Variants in ZNF34 observed in about 807,000 individuals in gnomAD.
ZNF34 encodes zinc finger protein 34, also known as zinc finger protein 34 (KOX 32).
ZNF34 carries 8 observed loss-of-function variants against 14.4 expected under a neutral mutation model. The observed-to-expected ratio is 0.55, with a 90% CI of 0.33 to 1.00. The LOEUF (loss-of-function observed/expected upper bound fraction) is 1.00, where lower values mean the gene tolerates loss of function less well. Ranked by LOEUF, ZNF34 falls within the 50% of genes least tolerant of loss-of-function variation. ZNF34 has a pLI of 0.03. For missense variants in ZNF34, 538 were observed against 674.2 expected (o/e 0.80, Z 2.24); for synonymous variants, 235 against 247.9 (o/e 0.95, Z 0.49).
rs767373155 is a variant in ZNF34 at position 144,773,802 on chromosome 8, G to A, written c.1084C>T (p.Arg362Trp). ...SDGSILIRHR[R>W]THTGEKPFEC... ...AATGGCTTCTCTCCGGTGTGAGTCC[G>A]ACGATGTCGGATAAGGATTGAGCCA... Residue 362 changes from arginine to tryptophan, a missense_variant, in exon 6 of 6, where the codon CGG becomes TGG. Physicochemically the swap from Arg to Trp is moderately radical, Grantham distance 101. Transcript: ENST00000429371. The surrounding 1 kb of genome is among the most constrained non-coding windows in gnomAD (Gnocchi z 5.4). The A allele has an allele frequency of 3.7e-6, 6 of 1,613,932 alleles. No individual in the cohort carries two copies. The highest frequency in any genetic ancestry group is 4.5e-5 in the East Asian group (2 of 44,874).
chr8:144,785,744 G>A (rs918587591), intron 1 of ZNF34, among the ~76,000 whole-genome samples: 6 of 152,260 alleles, frequency 3.9e-5, no homozygotes, highest in Admixed American at 3.9e-4. Context: ...CTGAAACCCT[G>A]CAAAACTCTC....
chr8:144,774,351 A>G lies in ZNF34; in HGVS notation c.535T>C (p.Cys179Arg). The change falls in exon 6 of 6, where the codon TGT becomes CGT. Residue 179 changes from cysteine (C) to arginine (R), a missense_variant. Cys to Arg is a radical substitution (Grantham distance 180, BLOSUM62 -3). Transcript: ENST00000429371. ...GATCTCTGTTCAAAACTTTGCTCAC[A>G]TATATCACATTTGTGAGGTCTCTGA... is the stretch of plus-strand genomic sequence containing the variant. Reference protein sequence around the residue: ...PDQRPHKCDICEQSFEQRSYL... With the variant: ...PDQRPHKCDIREQSFEQRSYL... 1.2e-6 allele frequency: 2 copies of G among 1,612,628 alleles called. No homozygotes were observed. The highest frequency in any genetic ancestry group is 1.7e-6 in the Non-Finnish European group (2 of 1,179,240).
At chr8:144,778,341 CCAT>C (rs1825660798) in intron 3 of ZNF34, 95 bp downstream of exon 3, 1 of 1,384,736 alleles carries the variant, frequency 7.2e-7, no homozygotes, top group Non-Finnish European at 9.7e-7. Context: ...GCCACCCCTA[CCAT>C]CATGTCAGCA....
Position 144,774,301 on chromosome 8 carries a change from T to G in ZNF34, c.585A>C (p.Val195=), listed in dbSNP as rs200342127. ...CTGTATTTGTTTTTTTTGACCTGTGTACACGCTTATGGTTGTTGAGATATG... is the reference window on the plus strand; with the variant it reads ...CTGTATTTGTTTTTTTTGACCTGTGGACACGCTTATGGTTGTTGAGATATG... ...QRSYLNNHKR[V]HRSKKTNTVR... Residue 195 remains valine (V), a synonymous_variant, in exon 6 of 6, where the codon GTA becomes GTC. Transcript: ENST00000429371. 6.2e-7 allele frequency: 1 copy of G among 1,613,040 alleles called. No individual in the cohort carries two copies. Among genetic ancestry groups the G allele is most frequent in the Non-Finnish European group, 8.5e-7 (1 of 1,179,392 alleles).
In ZNF34 at chr8:144,773,275, G is replaced by T; in HGVS notation, c.1611C>A (p.Phe537Leu). 1 of 1,605,602 alleles carries T rather than the reference G, an allele frequency of 6.2e-7. No homozygotes were observed. The highest frequency in any genetic ancestry group is 8.5e-7 in the Non-Finnish European group (1 of 1,173,806). The change falls in exon 6 of 6, where the codon TTC (phenylalanine) becomes TTA (leucine). Residue 537 changes from phenylalanine (F) to leucine (L), a missense_variant. This residue lies in a region of ZNF34 where 101 missense variants were observed against 123.1 expected (regional missense o/e 0.82). Transcript: ENST00000429371. This position sits in a 1 kb window ranked among gnomAD's most constrained non-coding sequence, Gnocchi z 5.4. ...QHQRIHLRED[F>L]SM ...GGACACCGCGCCACTGTTACATGGA[G>T]AAGTCCTCCCGGAGGTGAATCCGCT...
At position 144,773,133 on chromosome 8, in the gene ZNF34, G is replaced by T; in HGVS notation, c.*133C>A. 1.0e-6 allele frequency: 1 copy of T among 986,956 alleles called. No individual in the cohort carries two copies. The highest frequency in any genetic ancestry group is 2.2e-5 in the South Asian group (1 of 44,734). The allele number at this position is 986,956 out of a possible 1,614,324, so 61.1% of individuals were successfully genotyped here. On this transcript the variant is annotated 3_prime_UTR_variant, in exon 6 of 6. Coordinates refer to ENST00000429371, the MANE Select transcript of ZNF34 (RefSeq NM_001286769.2). This position sits in a 1 kb window ranked among gnomAD's most constrained non-coding sequence, Gnocchi z 5.4. ...CACTGCTTTTGATTTAAGAAAAGAG[G>T]TTTGTTTAATGAGAAACGTCCTTTC... is the stretch of plus-strand genomic sequence containing the variant.
chr8:144,778,483 T>C lies in ZNF34; in HGVS notation c.-12A>G. The C allele has an allele frequency of 6.3e-7, 1 of 1,592,324 alleles. No homozygotes were observed. The highest frequency in any genetic ancestry group is 8.5e-7 in the Non-Finnish European group (1 of 1,169,748). ...AACAAGGCCGCCATTGCCTGAGGGT[T>C]GGGCTTTCTGAGGGCAGTGAGCAGG... On this transcript the variant is annotated 5_prime_UTR_variant, in exon 3 of 6. Coordinates refer to ENST00000429371, the MANE Select transcript of ZNF34 (RefSeq NM_001286769.2).
At chr8:144,786,053 T>C (rs1401810025) in intron 1 of ZNF34, among the ~76,000 whole-genome samples, 2 of 146,686 alleles carry the variant, frequency 1.4e-5, no homozygotes, top group African/African-American at 2.5e-5. Context: ...GGCGGGATCT[T>C]GGCTCACTGC....
At chr8:144,780,993 G>A (rs1314258244) in intron 1 of ZNF34, among the ~76,000 whole-genome samples, 12 of 151,112 alleles carry the variant, frequency 7.9e-5, no homozygotes, top group African/African-American at 2.4e-4. Context: ...AAAATTAGCC[G>A]GGCGTGGTGG....
At position 144,773,070 on chromosome 8, in the gene ZNF34, G is replaced by T; in HGVS notation, c.*196C>A. ...GAGAGATCACAGAAGCTTCTTTTTT[G>T]CCCACTTTTCTGTCTCAATTTCTCT... On this transcript the variant is annotated 3_prime_UTR_variant, in exon 6 of 6. Coordinates refer to ENST00000429371, the MANE Select transcript of ZNF34 (RefSeq NM_001286769.2). This position sits in a 1 kb window ranked among gnomAD's most constrained non-coding sequence, Gnocchi z 5.4. 4 of 556,890 alleles carry T rather than the reference G, an allele frequency of 7.2e-6. No homozygotes were observed. The highest frequency in any genetic ancestry group is 8.7e-6 in the Non-Finnish European group (3 of 344,966). 34.5% of individuals were successfully genotyped at this position (556,890 alleles called of 1,614,324 possible).
intron 1 of ZNF34, among the ~76,000 whole-genome samples, chr8:144,782,893 A>C (rs1825985855): frequency 6.7e-6 from 1 of 149,762 alleles, no homozygotes; most frequent in Non-Finnish European, 1.5e-5. Context: ...AAATAGATGG[A>C]AAAGTAGAAA....
rs1473022580 is a variant in ZNF34, at chr8:144,773,311, C to G, written c.1575G>C (p.Met525Ile). Residue 525 changes from methionine to isoleucine, a missense_variant, in exon 6 of 6, where the codon ATG (methionine) becomes ATC (isoleucine). This residue lies in a region of ZNF34 where 101 missense variants were observed against 123.1 expected (regional missense o/e 0.82). Transcript: ENST00000429371. This position sits in a 1 kb window ranked among gnomAD's most constrained non-coding sequence, Gnocchi z 5.4. ...CGKAFRHSSNMCQHQRIHLRE... is the reference protein window; with the variant it reads ...CGKAFRHSSNICQHQRIHLRE... ...GGAGGTGAATCCGCTGATGCTGACA[C>G]ATGTTGGAACTGTGCCGGAAGGCCT... 1.2e-6 allele frequency: 2 copies of G among 1,613,214 alleles called. No individual in the cohort carries two copies. The highest frequency in any genetic ancestry group is 3.3e-5 in the Admixed American group (2 of 59,974).
intron 1 of ZNF34, among the ~76,000 whole-genome samples, chr8:144,784,900 A>AT: frequency 6.6e-6 from 1 of 152,200 alleles, no homozygotes; most frequent in Non-Finnish European, 1.5e-5. Flanking sequence ...AGGTGGCCAG[A>AT]TTGCTTGAGC....
Position 144,774,334 on chromosome 8 carries a change from T to C in ZNF34, c.552A>G (p.Glu184=). Residue 184 remains glutamate (E), a synonymous_variant, in exon 6 of 6, where the codon GAA becomes GAG. Coordinates refer to ENST00000429371, the MANE Select transcript of ZNF34 (RefSeq NM_001286769.2). The part of the protein sequence containing the change: ...HKCDICEQSF[E]QRSYLNNHKR... ...TATGGTTGTTGAGATATGATCTCTG[T>C]TCAAAACTTTGCTCACATATATCAC... 1 of 1,612,364 alleles carries C rather than the reference T, an allele frequency of 6.2e-7. No individual in the cohort carries two copies. Among genetic ancestry groups the C allele is most frequent in the Non-Finnish European group, 8.5e-7 (1 of 1,179,030 alleles).
At chr8:144,780,646 G>A (rs897114876) in intron 1 of ZNF34, among the ~76,000 whole-genome samples, 4 of 152,004 alleles carry the variant, frequency 2.6e-5, no homozygotes, top group South Asian at 2.1e-4. Flanking sequence ...AAAATTAGCC[G>A]GGCGTGGTGG....
At position 144,774,149 on chromosome 8, in the gene ZNF34, A is replaced by T; in HGVS notation, c.737T>A (p.Val246Asp). ...TTCAGTGTGAAGCCGCTGATGCTTG[A>T]CAAGGTTGGCACTGTACCTGAATGT... is the stretch of plus-strand genomic sequence containing the variant. The part of the protein sequence containing the change: ...GKTFRYSANL[V>D]KHQRLHTEEK... Residue 246 changes from valine (V) to aspartate (D), a missense_variant, in exon 6 of 6, where the codon GTC (valine) becomes GAC (aspartate). Physicochemically the swap from Val to Asp is radical, Grantham distance 152. Around this residue, in one of 3 missense-constraint regions of ZNF34, gnomAD observed 431 missense variants for 525.7 expected, o/e 0.82. Coordinates refer to ENST00000429371, the MANE Select transcript of ZNF34 (RefSeq NM_001286769.2). 1 of 1,614,048 alleles carries T rather than the reference A, an allele frequency of 6.2e-7. No individual in the cohort carries two copies. Among genetic ancestry groups the T allele is most frequent in the Non-Finnish European group, 8.5e-7 (1 of 1,179,930 alleles).
At position 144,777,609 on chromosome 8, in the gene ZNF34, C is replaced by T. The variant is rs1192752860; in HGVS notation, c.161-32G>A. On this transcript the variant is annotated intron_variant, in intron 4 of 5. Coordinates refer to ENST00000429371, the MANE Select transcript of ZNF34 (RefSeq NM_001286769.2). This position sits in a 1 kb window ranked among gnomAD's most constrained non-coding sequence, Gnocchi z 4.8. ...AGGAGACAGGGACTGGGGTTGGTAC[C>T]AAGGACACAGGGCAGCACCTAGTGC... 1.3e-6 allele frequency: 2 copies of T among 1,549,432 alleles called. No individual in the cohort carries two copies. The highest frequency in any genetic ancestry group is 1.7e-6 in the Non-Finnish European group (2 of 1,146,444).
intron 1 of ZNF34, among the ~76,000 whole-genome samples, chr8:144,781,067 A>G (rs991438411): frequency 4.7e-5 from 7 of 148,830 alleles, no homozygotes; most frequent in Non-Finnish European, 8.9e-5. Context: ...ACCGGGAGGC[A>G]GAGCTTGCAG....
chr8:144,777,685 TGG>T lies in ZNF34; in HGVS notation c.161-110_161-109del. On this transcript the variant is annotated intron_variant, in intron 4 of 5. Coordinates refer to ENST00000429371, the MANE Select transcript of ZNF34 (RefSeq NM_001286769.2). This position sits in a 1 kb window ranked among gnomAD's most constrained non-coding sequence, Gnocchi z 4.8. The stretch of plus-strand genomic sequence containing the variant: ...AGGGAGGCACAGGCAGAGGGGGTGA[TGG>T]AAGCCTGGACACTCTCTGGAGGGCA... The T allele has an allele frequency of 7.5e-7, 1 of 1,332,298 alleles. No individual in the cohort carries two copies. The highest frequency in any genetic ancestry group is 1.4e-5 in the South Asian group (1 of 71,606). 82.5% of individuals were successfully genotyped at this position (1,332,298 alleles called of 1,614,324 possible).
Sources: allele counts gnomAD v4.1 joint callset (sites outside exome capture counted in the v4.1 genomes callset), GRCh38; gene constraint gnomAD v4.1.1; regional missense constraint gnomAD v4.1.1; non-coding constraint Gnocchi (gnomAD v3.1); transcripts MANE v1.5; gene names NCBI Gene and HGNC (gene_info 2026-07-23, HGNC 2026-07-21).